The following LRP6 variants were observed in gnomAD, a reference collection of about 807,000 sequenced individuals.
LRP6 encodes the protein LDL receptor related protein 6.
In LRP6, 43 loss-of-function variants were observed where a neutral mutation model predicts 184.1. That is an observed-to-expected ratio of 0.23 (90% CI 0.18 to 0.30). LRP6 has a LOEUF of 0.30. LRP6 is among the 10% of genes least tolerant of loss of function. The pLI, the probability that LRP6 is intolerant of heterozygous loss-of-function variation, is 1.00. For synonymous variants in LRP6, 719 were observed against 684.9 expected, an observed-to-expected ratio of 1.05 and a Z score of -0.78; for missense variants, 1,571 against 2,005.3, an observed-to-expected ratio of 0.78 and a Z score of 4.14.
chr12:12,235,991 C>A (rs1864921178), intron 2 of LRP6, among the ~76,000 whole-genome samples: 1 of 151,984 alleles, frequency 6.6e-6, no homozygotes, highest in Non-Finnish European at 1.5e-5. Context: ...TTTGGGAGGC[C>A]GAGGCGGGCG....
intron 2 of LRP6, among the ~76,000 whole-genome samples, chr12:12,236,384 C>A (rs1864933598): frequency 6.6e-6 from 1 of 152,168 alleles, no homozygotes; most frequent in Non-Finnish European, 1.5e-5. Context: ...AAAATAAATG[C>A]CCATGAATCC....
At chr12:12,248,059 A>G (rs537150398) in intron 1 of LRP6, among the ~76,000 whole-genome samples, 202 of 152,206 alleles carry the variant, frequency 1.3e-3, no homozygotes, top group African/African-American at 4.4e-3. Context: ...CATCCCCAAC[A>G]TCTTAATTTA....
intron 2 of LRP6, among the ~76,000 whole-genome samples, chr12:12,227,479 C>T (rs571290822): frequency 2.5e-3 from 384 of 151,774 alleles, no homozygotes; most frequent in Non-Finnish European, 4.5e-3. Flanking sequence ...GCAATCTCGC[C>T]TCACTGCAAC....
At chr12:12,125,717 TCAACCTCTTG>T (rs1242963604) in intron 20 of LRP6, among the ~76,000 whole-genome samples, 3 of 152,178 alleles carry the variant, frequency 2.0e-5, no homozygotes, top group Non-Finnish European at 4.4e-5. Flanking sequence ...TAAGGGCTTT[TCAACCTCTTG>T]GAGGATTTGA....
Position 12,179,891 on chromosome 12 carries a change from A to G in LRP6, c.1464T>C (p.Ser488=), listed in dbSNP as rs1403498978. 7.4e-6 allele frequency: 12 copies of G among 1,614,012 alleles called. No individual in the cohort carries two copies. In the East Asian group the frequency reaches 2.7e-4, roughly 36 times the overall value. ...AGGCTAAACCATTTGGCCAACCAAGAGAAGTGTTAACCAATACTACACGGT... is the reference window on the plus strand; with the variant it reads ...AGGCTAAACCATTTGGCCAACCAAGGGAAGTGTTAACCAATACTACACGGT... ...GSDRVVLVNT[S]LGWPNGLALD... The change falls in exon 7 of 23, where the codon TCT becomes TCC. Residue 488 remains serine (S), a synonymous_variant. Transcript: ENST00000261349.
chr12:12,130,798 C>T lies in LRP6; in HGVS notation c.4066G>A (p.Asp1356Asn), dbSNP rs149590661. Residue 1356 changes from aspartate (D) to asparagine (N), a missense_variant, in exon 19 of 23, where the codon GAT becomes AAT. This residue lies in a region of LRP6 where 763 missense variants were observed against 859.5 expected (regional missense o/e 0.89). Transcript: ENST00000261349. Reference protein sequence around the residue: ...DHNVDCSDKSDELDCYPTEEP... With the variant: ...DHNVDCSDKSNELDCYPTEEP... ...TCCTACTTACAACAATCCAGTTCAT[C>T]TGACTTGTCACTGCAATCCACATTA... is the stretch of plus-strand genomic sequence containing the variant. 3 of 1,609,944 alleles carry T rather than the reference C, an allele frequency of 1.9e-6. No individual in the cohort carries two copies. The highest frequency in any genetic ancestry group is 2.6e-6 in the Non-Finnish European group (3 of 1,176,214).
intron 15 of LRP6, among the ~76,000 whole-genome samples, chr12:12,145,455 C>T (rs1591882882): frequency 6.6e-6 from 1 of 151,726 alleles, no homozygotes; most frequent in Non-Finnish European, 1.5e-5. Flanking sequence ...GATATATTTG[C>T]TTATTTCTTG....
At chr12:12,167,936 C>T (rs1254231894) in intron 7 of LRP6, among the ~76,000 whole-genome samples, 1 of 152,064 alleles carries the variant, frequency 6.6e-6, no homozygotes, top group Admixed American at 6.6e-5. Context: ...AACCAAGAGA[C>T]CTTTATGTAT....
At chr12:12,260,447 A>C (rs1044516268) in intron 1 of LRP6, among the ~76,000 whole-genome samples, 1 of 152,212 alleles carries the variant, frequency 6.6e-6, no homozygotes, top group Non-Finnish European at 1.5e-5. Context: ...AATTTCCATA[A>C]GTAAAAGTAT....
intron 18 of LRP6, 22 bp downstream of exon 18, chr12:12,131,799 G>C: frequency 6.3e-7 from 1 of 1,579,608 alleles, no homozygotes; most frequent in Non-Finnish European, 8.7e-7. Flanking sequence ...TGCATGCTGA[G>C]GCACTGAAGA....
chr12:12,138,733 G>A, intron 15 of LRP6, 199 bp from the exon 16 acceptor site: 2 of 1,447,738 alleles, frequency 1.4e-6, no homozygotes, highest in Non-Finnish European at 9.3e-7. Flanking sequence ...ATGCAATCAA[G>A]AGCAAGTAAG....
chr12:12,175,609 C>G (rs1305271750), intron 7 of LRP6, among the ~76,000 whole-genome samples: 15 of 148,950 alleles, frequency 1.0e-4, no homozygotes, highest in Non-Finnish European at 3.0e-5. Context: ...ATTGCGTGAA[C>G]CCAGGAGGTG....
At chr12:12,239,915 T>C (rs917183709) in intron 2 of LRP6, among the ~76,000 whole-genome samples, 1 of 151,726 alleles carries the variant, frequency 6.6e-6, no homozygotes, top group Non-Finnish European at 1.5e-5. Flanking sequence ...GACAATACAA[T>C]TGAAACTTAT....
intron 7 of LRP6, among the ~76,000 whole-genome samples, chr12:12,178,119 G>C (rs1159149892): frequency 6.6e-6 from 1 of 151,964 alleles, no homozygotes; most frequent in Non-Finnish European, 1.5e-5. Flanking sequence ...TGCAAACTAG[G>C]AAAATAAATC....
chr12:12,223,498 A>G (rs1864541751), intron 2 of LRP6, among the ~76,000 whole-genome samples: 1 of 152,198 alleles, frequency 6.6e-6, no homozygotes, highest in African/African-American at 2.4e-5. Context: ...TGTTTATATC[A>G]ATACAATCTT....
At chr12:12,248,666 G>C (rs1305135279) in intron 1 of LRP6, among the ~76,000 whole-genome samples, 1 of 151,744 alleles carries the variant, frequency 6.6e-6, no homozygotes, top group Non-Finnish European at 1.5e-5. Context: ...ATTTTTAGTA[G>C]AGATGGGGTT....
In LRP6 at chr12:12,176,843, CTT is replaced by C. The variant is rs71435897; in HGVS notation, c.1545+2965_1545+2966del. Among the ~76,000 whole-genome samples the C allele has an allele frequency of 2.3e-3, 236 of 103,106 alleles. 1 individual carries two copies. Among genetic ancestry groups the C allele is most frequent in the East Asian group, 7.9e-3 (28 of 3,524 alleles). The allele number at this position is 103,106 out of a possible 152,430, so 67.6% of individuals were successfully genotyped here. A position where few individuals can be genotyped will look rare whatever the true frequency, so the allele number is the denominator to read the frequency against. On this transcript the variant is annotated intron_variant, in intron 7 of 22. Coordinates refer to ENST00000261349, the MANE Select transcript of LRP6 (RefSeq NM_002336.3). ...ACATATACAACAGTGTGAGCCCAAA[CTT>C]TTTTTTTTTTTTTTTTTTTTAGACA...
At chr12:12,193,818 CAAAG>C (rs969978310) in intron 3 of LRP6, among the ~76,000 whole-genome samples, 18 of 152,066 alleles carry the variant, frequency 1.2e-4, no homozygotes, top group African/African-American at 3.4e-4. Flanking sequence ...TTCCAGAAAA[CAAAG>C]AAAGAGGAAA....
Position 12,262,426 on chromosome 12 carries a change from C to T in LRP6, c.55+4255G>A, listed in dbSNP as rs141731296. ...TACAAAAATAAGTCAGGCATGGTGG[C>T]AGGCACCTGTAGTCTCAGCTACTCA... On this transcript the variant is annotated intron_variant, in intron 1 of 22. Coordinates refer to ENST00000261349, the MANE Select transcript of LRP6 (RefSeq NM_002336.3). Among the ~76,000 whole-genome samples the T allele has an allele frequency of 7.2e-3, 1,087 of 151,810 alleles. 10 individuals are homozygous for T. The highest frequency in any genetic ancestry group is 0.025 in the African/African-American group (1,042 of 41,358).
Sources: allele counts gnomAD v4.1 joint callset (sites outside exome capture counted in the v4.1 genomes callset), GRCh38; gene constraint gnomAD v4.1.1; regional missense constraint gnomAD v4.1.1; transcripts MANE v1.5; gene names NCBI Gene and HGNC (gene_info 2026-07-23, HGNC 2026-07-21).